ITM2B: variants seen among roughly 807,000 people sequenced by gnomAD.
ITM2B encodes the protein integral membrane protein 2B, also known as ABri/ADan amyloid peptide.
In ITM2B, 11 loss-of-function variants were observed where a neutral mutation model predicts 27.8. That is an observed-to-expected ratio of 0.40 (90% CI 0.25 to 0.66). The LOEUF (loss-of-function observed/expected upper bound fraction) is 0.66. Among genes scored for constraint, ITM2B ranks in the 30% least tolerant of loss-of-function variants. The pLI is 0.43. For synonymous variants in ITM2B, 114 were observed against 114.3 expected (o/e 1.00, Z 0.02); for missense variants, 296 against 328.9 (o/e 0.90, Z 0.77).
chr13:48,236,004 T>C (rs1353565727), intron 1 of ITM2B, among the ~76,000 whole-genome samples: 2 of 152,240 alleles, frequency 1.3e-5, no homozygotes, highest in Non-Finnish European at 2.9e-5. Flanking sequence ...CCTGTCTTTC[T>C]ATTTTTTTCT....
chr13:48,240,508 C>T (rs1316738502), intron 1 of ITM2B, among the ~76,000 whole-genome samples: 1 of 152,190 alleles, frequency 6.6e-6, no homozygotes, highest in Admixed American at 6.5e-5. Flanking sequence ...AATATTACTT[C>T]TTATATTACT....
At chr13:48,247,897 T>G (rs1229887099) in intron 1 of ITM2B, among the ~76,000 whole-genome samples, 1 of 152,104 alleles carries the variant, frequency 6.6e-6, no homozygotes, top group Non-Finnish European at 1.5e-5. Flanking sequence ...GCTAAAAAAC[T>G]TGAGGTTTAG....
Position 48,270,254 on chromosome 13 carries a change from A to G in ITM2B, c.*9030A>G, listed in dbSNP as rs1477855568. 6.6e-6 allele frequency: 1 copy of G among 152,202 alleles called. No homozygotes were observed. 9.4% of individuals were successfully genotyped at this position (152,202 alleles called of 1,614,324 possible). A position where few individuals can be genotyped will look rare whatever the true frequency, so the allele number is the denominator to read the frequency against. On this transcript the variant is annotated 3_prime_UTR_variant, in exon 6 of 6. Coordinates refer to ENST00000647800, the MANE Select transcript of ITM2B (RefSeq NM_021999.5). ...TAGGGGCCTTCCTGGCCATGACCACACTACCTTATTTTTCTCTATAGTACT... is the reference window on the plus strand; with the variant it reads ...TAGGGGCCTTCCTGGCCATGACCACGCTACCTTATTTTTCTCTATAGTACT...
In ITM2B at chr13:48,269,470, GA is replaced by G. The variant is rs34108523; in HGVS notation, c.*8248del. On this transcript the variant is annotated 3_prime_UTR_variant, in exon 6 of 6. Coordinates refer to ENST00000647800, the MANE Select transcript of ITM2B (RefSeq NM_021999.5). Reference sequence around the variant, plus strand: ...TGCTCAAATCCCAACATTTTATTCAGAATAAAAGTCGAACAATGCCCTACCT... The same window carrying G: ...TGCTCAAATCCCAACATTTTATTCAGATAAAAGTCGAACAATGCCCTACCT... The G allele has an allele frequency of 0.19, 28,636 of 152,172 alleles. 3,165 individuals are homozygous for G. Among genetic ancestry groups the G allele is most frequent in the Non-Finnish European group, 0.25 (16,754 of 68,028 alleles). The allele number at this position is 152,172 out of a possible 1,614,324, so 9.4% of individuals were successfully genotyped here.
intron 1 of ITM2B, among the ~76,000 whole-genome samples, chr13:48,239,692 C>G (rs1277311425): frequency 6.6e-6 from 1 of 152,146 alleles, no homozygotes; most frequent in Admixed American, 6.5e-5. Flanking sequence ...GTTGCTGGAT[C>G]CTCCAATTTT....
intron 2 of ITM2B, among the ~76,000 whole-genome samples, chr13:48,255,221 AGTGTGTGTAGTGTGTGT>A (rs1451175602): frequency 2.4e-4 from 31 of 129,288 alleles, no homozygotes; most frequent in African/African-American, 3.3e-4. Context: ...TTGTGTGTGT[AGTGTGTGTAGTGTGTGT>A]GTGTGTGTGT....
chr13:48,240,114 A>T (rs1269267296), intron 1 of ITM2B, among the ~76,000 whole-genome samples: 1 of 152,210 alleles, frequency 6.6e-6, no homozygotes, highest in African/African-American at 2.4e-5. Context: ...CAGTTTTTTC[A>T]TCAGCAAAAT....
At chr13:48,252,655 T>G (rs1181520742) in intron 1 of ITM2B, among the ~76,000 whole-genome samples, 1 of 152,196 alleles carries the variant, frequency 6.6e-6, no homozygotes, top group Non-Finnish European at 1.5e-5. Flanking sequence ...CCGATCCTGT[T>G]TTTGTGCATC....
rs1173191758 is a variant in ITM2B at position 48,263,631 on chromosome 13, A to C, written c.*2407A>C. On this transcript the variant is annotated 3_prime_UTR_variant, in exon 6 of 6. Transcript: ENST00000647800. ...AAAATACCATAGACTGAGTGGCTTT[A>C]AACAACAGAAGCTTGTTTCTCACAG... 1 of 152,214 alleles carries C rather than the reference A, an allele frequency of 6.6e-6. No individual in the cohort carries two copies. The highest frequency in any genetic ancestry group is 1.5e-5 in the Non-Finnish European group (1 of 68,074). The allele number at this position is 152,214 out of a possible 1,614,324, so 9.4% of individuals were successfully genotyped here.
rs945395247 is a variant in ITM2B, at chr13:48,265,322, CCTT to C, written c.*4105_*4107del. ...CCTAGTGACTAAGCAGATGCAAACG[CCTT>C]CTTCTTTCCAAACAGTGTGGTCTTA... is the stretch of plus-strand genomic sequence containing the variant. On this transcript the variant is annotated 3_prime_UTR_variant, in exon 6 of 6. Coordinates refer to ENST00000647800, the MANE Select transcript of ITM2B (RefSeq NM_021999.5). The C allele has an allele frequency of 6.6e-6, 1 of 152,058 alleles. No homozygotes were observed. Among genetic ancestry groups the C allele is most frequent in the African/African-American group, 2.4e-5 (1 of 41,394 alleles). The allele number at this position is 152,058 out of a possible 1,614,324, so 9.4% of individuals were successfully genotyped here.
intron 2 of ITM2B, among the ~76,000 whole-genome samples, chr13:48,255,692 G>A (rs1951783135): frequency 6.6e-6 from 1 of 152,014 alleles, no homozygotes; most frequent in Admixed American, 6.6e-5. Flanking sequence ...TGATATAAAG[G>A]GAAAAGTAGA....
At chr13:48,249,730 A>G (rs918460398) in intron 1 of ITM2B, among the ~76,000 whole-genome samples, 4 of 152,102 alleles carry the variant, frequency 2.6e-5, no homozygotes, top group African/African-American at 9.7e-5. Flanking sequence ...ACCATTAAGT[A>G]TGAGGCTTTC....
At chr13:48,250,608 A>C (rs1951750451) in intron 1 of ITM2B, among the ~76,000 whole-genome samples, 1 of 150,234 alleles carries the variant, frequency 6.7e-6, no homozygotes, top group African/African-American at 2.5e-5. Context: ...ACAGAGCGAG[A>C]CTCCATCTCA....
chr13:48,256,119 T>G, intron 2 of ITM2B, 58 bp from the exon 3 acceptor site: 2 of 1,286,816 alleles, frequency 1.6e-6, no homozygotes, highest in South Asian at 2.4e-5. Context: ...TAAGTAATGC[T>G]TATTTAAAAA....
At chr13:48,248,140 G>A (rs192730246) in intron 1 of ITM2B, among the ~76,000 whole-genome samples, 319 of 152,110 alleles carry the variant, frequency 2.1e-3, no homozygotes, top group Middle Eastern at 0.014. Context: ...CAGAGAACCT[G>A]AAGTATATTT....
chr13:48,233,402 G>A lies in ITM2B; in HGVS notation c.42G>A (p.Glu14=), dbSNP rs1016942995. 5.1e-6 allele frequency: 8 copies of A among 1,563,762 alleles called. No individual in the cohort carries two copies. The highest frequency in any genetic ancestry group is 1.4e-5 in the African/African-American group (1 of 71,132). ...VTFNSALAQK[E]AKKDEPKSGE... is the part of the protein sequence containing the mutation. ...TCAACTCCGCTCTGGCCCAGAAGGA[G>A]GCCAAGAAGGACGAGCCCAAGAGCG... Residue 14 remains glutamate, a synonymous_variant, in exon 1 of 6, where the codon GAG becomes GAA. Coordinates refer to ENST00000647800, the MANE Select transcript of ITM2B (RefSeq NM_021999.5).
rs1474198645 is a variant in ITM2B at position 48,264,788 on chromosome 13, G to A, written c.*3564G>A. ...AGCGTTCTTCTTTCTGAGTCTTTGT[G>A]GCTAATGCTTTTTTGAGGAAGAAGC... On this transcript the variant is annotated 3_prime_UTR_variant, in exon 6 of 6. Transcript: ENST00000647800. 1 of 152,062 alleles carries A rather than the reference G, an allele frequency of 6.6e-6. No homozygotes were observed. The highest frequency in any genetic ancestry group is 3.2e-3 in the Middle Eastern group (1 of 316). The allele number at this position is 152,062 out of a possible 1,614,324, so 9.4% of individuals were successfully genotyped here.
At chr13:48,251,976 T>C (rs183880715) in intron 1 of ITM2B, among the ~76,000 whole-genome samples, 15 of 152,374 alleles carry the variant, frequency 9.8e-5, no homozygotes, top group Admixed American at 5.9e-4. Context: ...TTCAGACTTA[T>C]TCTCATTACA....
chr13:48,250,613 A>G (rs1449335246), intron 1 of ITM2B, among the ~76,000 whole-genome samples: 3 of 151,138 alleles, frequency 2.0e-5, no homozygotes, highest in African/African-American at 7.3e-5. Context: ...GCGAGACTCC[A>G]TCTCAAAAAA....
Sources: allele counts gnomAD v4.1 joint callset (sites outside exome capture counted in the v4.1 genomes callset), GRCh38; gene constraint gnomAD v4.1.1; transcripts MANE v1.5; gene names NCBI Gene and HGNC (gene_info 2026-07-23, HGNC 2026-07-21).